Variants in ITFG2 observed in about 807,000 individuals in gnomAD.
The protein encoded by ITFG2 is KICSTOR complex protein ITFG2.
ITFG2 carries 36 observed loss-of-function variants against 54.4 expected under a neutral mutation model. The observed-to-expected ratio is 0.66, with a 90% CI of 0.51 to 0.87. ITFG2 has a LOEUF of 0.87. Among genes scored for constraint, ITFG2 ranks in the 40% least tolerant of loss-of-function variants. The probability of loss-of-function intolerance (pLI) is 0.00; values close to 1 mark genes in which losing one functional copy is unlikely to be tolerated. For synonymous variants in ITFG2, 211 were observed against 225.4 expected (o/e 0.94, Z 0.57); for missense variants, 524 against 576.7 (o/e 0.91, Z 0.94).
intron 2 of ITFG2, among the ~76,000 whole-genome samples, chr12:2,847,663 C>CA (rs76285511): frequency 7.8e-3 from 646 of 82,594 alleles, no homozygotes; most frequent in African/African-American, 0.013. Flanking sequence ...TAAGACTGTC[C>CA]AAAAAAAAAA....
At position 2,823,900 on chromosome 12, in the gene ITFG2, G is replaced by A; in HGVS notation, c.1197G>A (p.Glu399=). The part of the protein sequence containing the change: ...MESTNLVKLL[E]TKPEYHSLLQ... ...CTACCAATCTGGTGAAACTGCTGGA[G>A]ACCAAGCCGGAGTACCACAGCCTGC... The change falls in exon 11 of 12, where the codon GAG becomes GAA. Residue 399 remains glutamate, a synonymous_variant. Transcript: ENST00000228799. 1 of 1,613,578 alleles carries A rather than the reference G, an allele frequency of 6.2e-7. No individual in the cohort carries two copies. The highest frequency in any genetic ancestry group is 8.5e-7 in the Non-Finnish European group (1 of 1,179,726).
chr12:2,848,896 CACA>C, intron 2 of ITFG2: 1 of 339,788 alleles, frequency 2.9e-6, no homozygotes, highest in African/African-American at 2.1e-5. Context: ...CACACACACA[CACA>C]CACACACACA....
downstream of ITFG2, chr12:2,826,362 G>A (rs1223332055): frequency 1.3e-5 from 2 of 152,188 alleles, no homozygotes; most frequent in African/African-American, 4.8e-5. Context: ...AAATCAGAAA[G>A]AATGCTGAAT....
chr12:2,813,109 T>C (rs1450543535), intron 1 of ITFG2, among the ~76,000 whole-genome samples: 1 of 152,230 alleles, frequency 6.6e-6, no homozygotes, highest in Non-Finnish European at 1.5e-5. Flanking sequence ...TGATTTCGGC[T>C]CACCGCAACC....
Position 2,817,258 on chromosome 12 carries a change from G to A in ITFG2, c.132G>A (p.Lys44=), listed in dbSNP as rs1038633192. The A allele has an allele frequency of 2.5e-6, 4 of 1,613,982 alleles. No homozygotes were observed. In the East Asian group the frequency reaches 6.7e-5, roughly 27 times the overall value. The part of the protein sequence containing the change: ...NELVVGDTSG[K]VSVYKNDDSR... ...TGGTGGTGGGAGACACCAGCGGGAA[G>A]GTGTCTGTGTATAAAAATGATGACA... Residue 44 remains lysine (K), a synonymous_variant, in exon 2 of 12, where the codon AAG becomes AAA. Transcript: ENST00000228799.
At chr12:2,834,878 T>C (rs2098020743), upstream of ITFG2, 1 of 1,613,368 alleles carries the variant, frequency 6.2e-7, no homozygotes, top group South Asian at 1.1e-5. Context: ...GGTGGGGGCG[T>C]CACCGAGTCC....
downstream of ITFG2, among the ~76,000 whole-genome samples, chr12:2,831,349 C>T (rs1049009055): frequency 6.6e-5 from 10 of 151,780 alleles, no homozygotes; most frequent in East Asian, 5.8e-4. Context: ...TTTGGGAGGC[C>T]GAGGTGGGTG....
At chr12:2,819,918 C>T (rs1036637560) in intron 4 of ITFG2, 168 bp from the exon 5 acceptor site, 18 of 728,450 alleles carry the variant, frequency 2.5e-5, no homozygotes, top group Middle Eastern at 3.7e-4. Context: ...ACCAAATGGA[C>T]GGGCAAGATG....
At chr12:2,842,544 T>C (rs1365051363) in intron 2 of ITFG2, among the ~76,000 whole-genome samples, 2 of 152,070 alleles carry the variant, frequency 1.3e-5, no homozygotes, top group East Asian at 3.9e-4. Context: ...AAGACCAGTG[T>C]GGGCAACATA....
chr12:2,822,176 C>T (rs2097947640), intron 9 of ITFG2, among the ~76,000 whole-genome samples: 2 of 152,122 alleles, frequency 1.3e-5, no homozygotes, highest in African/African-American at 2.4e-5. Flanking sequence ...CTCGTCTTAG[C>T]CTCCCAAAGT....
intron 2 of ITFG2, chr12:2,849,032 A>G (rs1171778611): frequency 3.2e-6 from 2 of 615,594 alleles, no homozygotes; most frequent in South Asian, 4.3e-5. Context: ...AGGAAGAAAT[A>G]TAACAATTTA....
At chr12:2,830,950 T>TCCCCCCCCC (rs544510879), downstream of ITFG2, 2 of 1,383,864 alleles carry the variant, frequency 1.4e-6, no homozygotes, top group African/African-American at 3.0e-5. Flanking sequence ...CCCAGGATGC[T>TCCCCCCCCC]CCCCCCACCC....
chr12:2,855,280 C>G, intron 2 of ITFG2: 8 of 1,517,678 alleles, frequency 5.3e-6, no homozygotes, highest in Non-Finnish European at 7.1e-6. Context: ...GTGGATGAGC[C>G]GCTGACGCAC....
chr12:2,827,871 CCCCAA>C (rs2097976548), downstream of ITFG2: 1 of 1,611,918 alleles, frequency 6.2e-7, no homozygotes, highest in Non-Finnish European at 8.5e-7. This position sits in a 1 kb window ranked among gnomAD's most constrained non-coding sequence, Gnocchi z 4.0. Flanking sequence ...CTTTGCCCCA[CCCCAA>C]AGAGAAAGGT....
intron 1 of ITFG2, among the ~76,000 whole-genome samples, chr12:2,840,628 T>C (rs2098038845): frequency 6.7e-6 from 1 of 149,906 alleles, no homozygotes; most frequent in South Asian, 2.1e-4. Context: ...CTACTAAAAA[T>C]ACAAAAACTT....
At chr12:2,827,911 G>A, downstream of ITFG2, 2 of 1,613,896 alleles carry the variant, frequency 1.2e-6, no homozygotes, top group Non-Finnish European at 1.7e-6. This position sits in a 1 kb window ranked among gnomAD's most constrained non-coding sequence, Gnocchi z 4.0. Context: ...GGCTGTTGCA[G>A]AAGGGGGGAC....
chr12:2,820,284 G>A (rs1243518617), intron 5 of ITFG2, 59 bp downstream of exon 5: 2 of 1,493,518 alleles, frequency 1.3e-6, no homozygotes, highest in African/African-American at 1.4e-5. Context: ...GTCTCCTGGA[G>A]GAGGTAGTGG....
chr12:2,828,384 C>T, downstream of ITFG2: 1 of 1,614,162 alleles, frequency 6.2e-7, no homozygotes, highest in Non-Finnish European at 8.5e-7. Context: ...GTGCCTGTGT[C>T]AACGGCCACT....
chr12:2,830,458 AATTT>A (rs774110886), intron 2 of ITFG2: 26 of 435,498 alleles, frequency 6.0e-5, no homozygotes, highest in Non-Finnish European at 1.0e-4. Context: ...GTACTTACTT[AATTT>A]AAGTATTGTA....
Sources: allele counts gnomAD v4.1 joint callset (sites outside exome capture counted in the v4.1 genomes callset), GRCh38; gene constraint gnomAD v4.1.1; non-coding constraint Gnocchi (gnomAD v3.1); transcripts MANE v1.5; gene names NCBI Gene and HGNC (gene_info 2026-07-23, HGNC 2026-07-21).